Variants in LDAF1 observed in about 807,000 individuals in gnomAD.
The protein encoded by LDAF1 is lipid droplet assembly factor 1, also known as PROMETHIN.
Under a neutral mutation model 13.5 loss-of-function variants are expected in LDAF1, and 7 were observed. The observed-to-expected ratio is 0.52, with a 90% CI of 0.29 to 0.97. LDAF1 has a LOEUF of 0.97. Ranked by LOEUF, LDAF1 falls within the 50% of genes least tolerant of loss-of-function variation. The pLI is 0.07. For synonymous variants in LDAF1, 69 were observed against 77.1 expected (o/e 0.89, Z 0.55); for missense variants, 148 against 193.2 (o/e 0.77, Z 1.39).
chr16:21,175,183 G>A (rs2093127889), intron 4 of LDAF1, among the ~76,000 whole-genome samples: 1 of 152,184 alleles, frequency 6.6e-6, no homozygotes, highest in Non-Finnish European at 1.5e-5. Flanking sequence ...TAAGTCCCAA[G>A]TTCATCATAC....
In LDAF1 at chr16:21,161,107, G is replaced by T; in HGVS notation, c.-76G>T. On this transcript the variant is annotated 5_prime_UTR_variant, in exon 2 of 5. Coordinates refer to ENST00000233047, the MANE Select transcript of LDAF1 (RefSeq NM_001301771.2). ...CAGCAAGAGACAGAGCGACATGAGA[G>T]ATTGGACCGCGGGCTGCACTGGAGA... 1.3e-6 allele frequency: 2 copies of T among 1,582,666 alleles called. No individual in the cohort carries two copies. The highest frequency in any genetic ancestry group is 1.7e-6 in the Non-Finnish European group (2 of 1,166,898).
chr16:21,168,967 A>G (rs897319427), intron 2 of LDAF1, among the ~76,000 whole-genome samples: 11 of 81,548 alleles, frequency 1.3e-4, no homozygotes, highest in African/African-American at 4.9e-4. Context: ...AATATAATAT[A>G]TTATATTATA....
At chr16:21,171,986 C>T (rs111715700) in intron 3 of LDAF1, among the ~76,000 whole-genome samples, 1,790 of 152,026 alleles carry the variant, frequency 0.012, 12 homozygotes, top group Non-Finnish European at 0.018. Flanking sequence ...GATCTGCCCA[C>T]CTCGGCCTCC....
At chr16:21,170,404 A>G (rs1428743665) in intron 2 of LDAF1, 33 bp from the exon 3 acceptor site, 1 of 1,612,546 alleles carries the variant, frequency 6.2e-7, no homozygotes, top group East Asian at 2.2e-5. Context: ...CCGATGTGTT[A>G]CTTATCCCTG....
rs529635259 is a variant in LDAF1 at position 21,174,038 on chromosome 16, A to T, written c.294A>T (p.Ser98=). 6.2e-7 allele frequency: 1 copy of T among 1,613,812 alleles called. No individual in the cohort carries two copies. The highest frequency in any genetic ancestry group is 1.1e-5 in the South Asian group (1 of 91,006). ...EGLVISVGGF[S]LLCILCGLGF... ...TGGTCATCTCTGTGGGTGGCTTCTC[A>T]CTGCTCTGCATCCTCTGTGGTTTGG... The change falls in exon 4 of 5, where the codon TCA becomes TCT. Residue 98 remains serine, a synonymous_variant. Transcript: ENST00000233047.
chr16:21,168,497 T>C (rs1567905485), intron 2 of LDAF1, among the ~76,000 whole-genome samples: 2 of 147,484 alleles, frequency 1.4e-5, no homozygotes, highest in Non-Finnish European at 3.0e-5. Flanking sequence ...TTAATAATAA[T>C]GCTTTTAATA....
Position 21,174,048 on chromosome 16 carries a change from A to T in LDAF1, c.304A>T (p.Ile102Phe). ...ISVGGFSLLCILCGLGFVSLA... is the reference protein window; with the variant it reads ...ISVGGFSLLCFLCGLGFVSLA... ...TGTGGGTGGCTTCTCACTGCTCTGCATCCTCTGTGGTTTGGGCTTCGTATC... is the reference window on the plus strand; with the variant it reads ...TGTGGGTGGCTTCTCACTGCTCTGCTTCCTCTGTGGTTTGGGCTTCGTATC... The change falls in exon 4 of 5, where the codon ATC becomes TTC. Residue 102 changes from isoleucine to phenylalanine, a missense_variant. Physicochemically the swap from Ile to Phe is conservative, Grantham distance 21. Coordinates refer to ENST00000233047, the MANE Select transcript of LDAF1 (RefSeq NM_001301771.2). The T allele has an allele frequency of 6.2e-7, 1 of 1,614,024 alleles. No individual in the cohort carries two copies. The highest frequency in any genetic ancestry group is 8.5e-7 in the Non-Finnish European group (1 of 1,179,998).
rs1425589047 is a variant in LDAF1 at position 21,169,960 on chromosome 16, T to C, written c.97-477T>C. 2.6e-5 allele frequency among the ~76,000 whole-genome samples: 4 copies of C among 151,386 alleles called. No individual in the cohort carries two copies. The East Asian group carries it at 5.9e-4, about 22-fold the overall frequency. On this transcript the variant is annotated intron_variant, in intron 2 of 4. Coordinates refer to ENST00000233047, the MANE Select transcript of LDAF1 (RefSeq NM_001301771.2). ...CGGAGTTTCGCTCTTGTTATTCTTA[T>C]TATCATTTTTGAGATGGAGTCTTGC...
In LDAF1 at chr16:21,171,714, T is replaced by C. The variant is rs80332609; in HGVS notation, c.265+1109T>C. 1.3e-4 allele frequency among the ~76,000 whole-genome samples: 20 copies of C among 151,908 alleles called. No homozygotes were observed. The East Asian group carries it at 3.9e-3, about 29-fold the overall frequency. ...AGCATGTGCAAAGCCTCTAGAATAG[T>C]GGTTCTTGAACCTGAGTGTATTTAA... On this transcript the variant is annotated intron_variant, in intron 3 of 4. Coordinates refer to ENST00000233047, the MANE Select transcript of LDAF1 (RefSeq NM_001301771.2).
At position 21,170,434 on chromosome 16, in the gene LDAF1, C is replaced by G; in HGVS notation, c.97-3C>G. 2 of 1,614,152 alleles carry G rather than the reference C, an allele frequency of 1.2e-6. No individual in the cohort carries two copies. The highest frequency in any genetic ancestry group is 1.7e-6 in the Non-Finnish European group (2 of 1,180,020). On this transcript the variant is annotated splice_region_variant and splice_polypyrimidine_tract_variant and intron_variant, in intron 2 of 4. Coordinates refer to ENST00000233047, the MANE Select transcript of LDAF1 (RefSeq NM_001301771.2). ...TCCCTGGCTCTTTGTCCTTTGCCTA[C>G]AGGTGGTGGCCTTTATGAAGTCTCC... is the stretch of plus-strand genomic sequence containing the variant.
At chr16:21,166,774 G>A (rs923911900) in intron 2 of LDAF1, 18 of 1,397,524 alleles carry the variant, frequency 1.3e-5, no homozygotes, top group Middle Eastern at 1.7e-4. Flanking sequence ...CTGAGACAGC[G>A]CAAGGGACCA....
chr16:21,160,649 A>C (rs1270938011), intron 1 of LDAF1, among the ~76,000 whole-genome samples: 10 of 152,232 alleles, frequency 6.6e-5, no homozygotes, highest in Admixed American at 6.5e-4. Flanking sequence ...TGTCAAGCTA[A>C]AAAATAAACA....
At chr16:21,159,198 T>C (rs1024801952) in intron 1 of LDAF1, 10 of 941,248 alleles carry the variant, frequency 1.1e-5, no homozygotes, top group African/African-American at 3.2e-5. Flanking sequence ...TCCCCATCGC[T>C]GCAGAGAGAT....
intron 2 of LDAF1, among the ~76,000 whole-genome samples, chr16:21,164,035 T>C (rs2356570): frequency 0.72 from 109,266 of 152,022 alleles, 39,797 homozygotes; most frequent in East Asian, 1. Context: ...ACCCTTCGTC[T>C]TTCTCCTGTT....
intron 4 of LDAF1, chr16:21,178,259 G>C: frequency 1.0e-6 from 1 of 985,312 alleles, no homozygotes; most frequent in Non-Finnish European, 1.2e-6. Flanking sequence ...AGGAGAAGTA[G>C]GGGCCCTGGG....
At chr16:21,165,590 C>G in intron 2 of LDAF1, 1 of 984,432 alleles carries the variant, frequency 1.0e-6, no homozygotes, top group Non-Finnish European at 1.2e-6. Context: ...TGCCATCAGC[C>G]TGGACTTGAC....
chr16:21,165,056 G>T (rs973752212), intron 2 of LDAF1, among the ~76,000 whole-genome samples: 1 of 152,322 alleles, frequency 6.6e-6, no homozygotes, highest in East Asian at 1.9e-4. Context: ...ACTGGCTGGA[G>T]CTCAGCTGTA....
intron 2 of LDAF1, among the ~76,000 whole-genome samples, chr16:21,165,252 G>A (rs2093012803): frequency 6.6e-6 from 1 of 152,200 alleles, no homozygotes; most frequent in Non-Finnish European, 1.5e-5. Context: ...CTTGAGGTCA[G>A]GAGTTCGAGA....
intron 3 of LDAF1, 77 bp downstream of exon 3, chr16:21,170,682 T>G: frequency 6.4e-7 from 1 of 1,570,340 alleles, no homozygotes; most frequent in South Asian, 1.1e-5. Context: ...ATTTAAAAAT[T>G]TTTTTAAGGG....
Sources: allele counts gnomAD v4.1 joint callset (sites outside exome capture counted in the v4.1 genomes callset), GRCh38; gene constraint gnomAD v4.1.1; transcripts MANE v1.5; gene names NCBI Gene and HGNC (gene_info 2026-07-23, HGNC 2026-07-21).